Variants in DCAF6 observed in about 807,000 individuals in gnomAD.
DCAF6 encodes the protein DDB1- and CUL4-associated factor 6.
In DCAF6, 54 loss-of-function variants were observed where a neutral mutation model predicts 125.1. The observed-to-expected ratio is 0.43, with a 90% confidence interval of 0.35 to 0.54. DCAF6 has a LOEUF of 0.54. Ranked by LOEUF, DCAF6 falls within the 20% of genes least tolerant of loss-of-function variation. The pLI is 0.01. For synonymous variants in DCAF6, 371 were observed against 390.4 expected (o/e 0.95, Z 0.58); for missense variants, 934 against 1,161.7 (o/e 0.80, Z 2.85).
intron 12 of DCAF6, among the ~76,000 whole-genome samples, chr1:168,026,587 A>G (rs976372770): frequency 1.3e-5 from 2 of 152,166 alleles, no homozygotes; most frequent in African/African-American, 2.4e-5. Flanking sequence ...TTTGAGACTG[A>G]TAAGTTAGAA....
At chr1:167,952,605 C>T (rs1441900888) in intron 2 of DCAF6, among the ~76,000 whole-genome samples, 1 of 152,134 alleles carries the variant, frequency 6.6e-6, no homozygotes, top group African/African-American at 2.4e-5. Flanking sequence ...CATTGACTTG[C>T]TACATCTTCT....
At chr1:167,960,793 G>A (rs938147550) in intron 2 of DCAF6, among the ~76,000 whole-genome samples, 2 of 152,080 alleles carry the variant, frequency 1.3e-5, no homozygotes, top group African/African-American at 4.8e-5. Flanking sequence ...GAACAACTTT[G>A]TTCTTCTCCC....
intron 12 of DCAF6, among the ~76,000 whole-genome samples, chr1:168,027,747 T>G (rs1686530221): frequency 6.6e-6 from 1 of 152,042 alleles, no homozygotes; most frequent in Admixed American, 6.5e-5. Context: ...CTGAAGAAAT[T>G]TTTTTCTTTG....
At chr1:168,040,279 G>A (rs1231675739) in intron 13 of DCAF6, among the ~76,000 whole-genome samples, 2 of 151,990 alleles carry the variant, frequency 1.3e-5, no homozygotes, top group Non-Finnish European at 1.5e-5. Context: ...CCAGTGTAGC[G>A]GGAGTGGAGT....
At chr1:167,903,935 C>T in the DCAF6 span, 2 of 1,613,970 alleles carry the variant, frequency 1.2e-6, no homozygotes, top group East Asian at 2.2e-5. Context: ...ACCAACTGCT[C>T]AGCCCCTCTG....
chr1:167,990,179 CAT>C (rs1680628758), intron 5 of DCAF6, among the ~76,000 whole-genome samples: 1 of 151,992 alleles, frequency 6.6e-6, no homozygotes, highest in Admixed American at 6.6e-5. Flanking sequence ...GCCTAGGCAA[CAT>C]AGTGAGACCC....
chr1:167,960,981 A>C (rs1462643267), intron 2 of DCAF6, among the ~76,000 whole-genome samples: 2 of 152,190 alleles, frequency 1.3e-5, no homozygotes, highest in Non-Finnish European at 2.9e-5. Context: ...TTAATATGGA[A>C]TAGCTCTTCA....
chr1:167,899,137 G>C, the DCAF6 span, among the ~76,000 whole-genome samples: 3 of 152,096 alleles, frequency 2.0e-5, no homozygotes, highest in Admixed American at 6.5e-5. Context: ...GACCCTTCTG[G>C]TTCCTTAAGC....
chr1:167,933,582 T>C (rs1436705300), upstream of DCAF6, among the ~76,000 whole-genome samples: 1 of 152,246 alleles, frequency 6.6e-6, no homozygotes, highest in Non-Finnish European at 1.5e-5. Flanking sequence ...GCATTTCATA[T>C]CATTTAATAA....
At chr1:167,889,951 G>C in the DCAF6 span, among the ~76,000 whole-genome samples, 5 of 152,118 alleles carry the variant, frequency 3.3e-5, no homozygotes, top group African/African-American at 7.2e-5. Flanking sequence ...ATGGCTGAAA[G>C]TTTCTAAATT....
At chr1:167,888,473 C>G in the DCAF6 span, among the ~76,000 whole-genome samples, 1 of 151,912 alleles carries the variant, frequency 6.6e-6, no homozygotes, top group East Asian at 1.9e-4. Context: ...CGGTAGAGAT[C>G]TTTCACTTCT....
intron 2 of DCAF6, among the ~76,000 whole-genome samples, chr1:167,965,621 G>A (rs1676276587): frequency 1.3e-5 from 2 of 152,010 alleles, no homozygotes; most frequent in South Asian, 4.1e-4. Flanking sequence ...GCATGACTGG[G>A]TTCCCTGGAG....
intron 16 of DCAF6, among the ~76,000 whole-genome samples, chr1:168,049,022 A>T (rs962233839): frequency 2.0e-5 from 3 of 152,338 alleles, no homozygotes; most frequent in Admixed American, 6.5e-5. Context: ...ATCTCCACAT[A>T]TTTGGGTTCC....
chr1:167,985,760 A>T lies in DCAF6; in HGVS notation c.439-1735A>T, dbSNP rs1371746554. On this transcript the variant is annotated intron_variant, in intron 4 of 21. Coordinates refer to ENST00000367840, the MANE Select transcript of DCAF6 (RefSeq NM_001198956.2). ...TTCCAAGTAAATTTTTAAAAAGTAT[A>T]AAACACCTACTGAAAAGTGCTGGCA... Among the ~76,000 whole-genome samples the T allele has an allele frequency of 6.0e-4, 91 of 152,332 alleles. 1 individual carries two copies. The highest frequency in any genetic ancestry group is 2.9e-5 in the Non-Finnish European group (2 of 68,034).
intron 4 of DCAF6, among the ~76,000 whole-genome samples, chr1:167,981,630 T>C (rs1364663497): frequency 6.6e-6 from 1 of 152,188 alleles, no homozygotes; most frequent in Non-Finnish European, 1.5e-5. Context: ...GAACATGCTG[T>C]ATTTGGTTTT....
intron 17 of DCAF6, among the ~76,000 whole-genome samples, chr1:168,051,208 A>G (rs2101854980): frequency 1.3e-5 from 2 of 152,352 alleles, no homozygotes; most frequent in Middle Eastern, 6.8e-3. Flanking sequence ...GAAATGATGT[A>G]CTTTAAGTAT....
At position 167,991,350 on chromosome 1, in the gene DCAF6, A is replaced by G; in HGVS notation, c.688+11A>G. The G allele has an allele frequency of 6.3e-7, 1 of 1,597,472 alleles. No individual in the cohort carries two copies. On this transcript the variant is annotated intron_variant, in intron 6 of 21. Coordinates refer to ENST00000367840, the MANE Select transcript of DCAF6 (RefSeq NM_001198956.2). ...GCACAAGAGCTACAGGTAAGAAGAT[A>G]ATATTAGAGAAAATATAGGACTGTC... is the stretch of plus-strand genomic sequence containing the variant.
chr1:167,911,957 T>C, the DCAF6 span, among the ~76,000 whole-genome samples: 2 of 152,086 alleles, frequency 1.3e-5, no homozygotes, highest in Non-Finnish European at 2.9e-5. Context: ...AAGAAGAAAA[T>C]GATAGGTTTA....
chr1:167,928,492 T>C, the DCAF6 span, among the ~76,000 whole-genome samples: 1 of 152,182 alleles, frequency 6.6e-6, no homozygotes, highest in Non-Finnish European at 1.5e-5. Context: ...ATAAAACAGA[T>C]ACAGAGGCTG....
Sources: allele counts gnomAD v4.1 joint callset (sites outside exome capture counted in the v4.1 genomes callset), GRCh38; gene constraint gnomAD v4.1.1; transcripts MANE v1.5; gene names NCBI Gene and HGNC (gene_info 2026-07-23, HGNC 2026-07-21).